The following LCLAT1 variants were observed in gnomAD, a reference collection of about 807,000 sequenced individuals.
The protein encoded by LCLAT1 is lysocardiolipin acyltransferase 1.
A neutral mutation model predicts 30.7 loss-of-function variants in LCLAT1; 11 were observed. The ratio of observed to expected loss-of-function variants is 0.36; its 90% CI spans 0.23 to 0.59. The LOEUF (loss-of-function observed/expected upper bound fraction) is 0.59. LCLAT1 is among the 20% of genes least tolerant of loss of function. LCLAT1 has a pLI of 0.77. For missense variants in LCLAT1, 402 were observed against 458.6 expected (o/e 0.88, Z 1.13); for synonymous variants, 155 against 151.3 (o/e 1.02, Z -0.18).
At chr2:30,584,787 T>A (rs552654594) in intron 5 of LCLAT1, among the ~76,000 whole-genome samples, 2 of 152,288 alleles carry the variant, frequency 1.3e-5, no homozygotes, top group African/African-American at 4.8e-5. Context: ...TAGACTAATA[T>A]AAAAGTTTTA....
At chr2:30,533,443 T>G (rs1325729251) in intron 3 of LCLAT1, 129 bp downstream of exon 3, 10 of 755,062 alleles carry the variant, frequency 1.3e-5, no homozygotes, top group Non-Finnish European at 2.1e-5. Flanking sequence ...TCTCTGGTTC[T>G]TTTGTCTTTA....
chr2:30,566,763 T>C (rs1191629628), intron 4 of LCLAT1, among the ~76,000 whole-genome samples: 1 of 152,230 alleles, frequency 6.6e-6, no homozygotes, highest in East Asian at 1.9e-4. Flanking sequence ...CTGAACACTT[T>C]ACTTTTTCCA....
chr2:30,537,497 G>A lies in LCLAT1; in HGVS notation c.364+4183G>A, dbSNP rs114185535. ...ATATAGTGATAAAGGGATCAATTCA[G>A]CGAGAGGATATAACAATTGTAAATA... On this transcript the variant is annotated intron_variant, in intron 3 of 5. Coordinates refer to ENST00000379509, the MANE Select transcript of LCLAT1 (RefSeq NM_001002257.3). 9.5e-3 allele frequency among the ~76,000 whole-genome samples: 1,428 copies of A among 149,542 alleles called. 24 individuals carry two copies. The highest frequency in any genetic ancestry group is 0.033 in the African/African-American group (1,340 of 40,478).
chr2:30,590,043 T>C (rs1470173445), intron 5 of LCLAT1, among the ~76,000 whole-genome samples: 1 of 152,190 alleles, frequency 6.6e-6, no homozygotes, highest in Admixed American at 6.5e-5. Context: ...CTCAAGGACA[T>C]CTGTCTGCCT....
At chr2:30,611,401 T>C (rs990329629) in intron 5 of LCLAT1, among the ~76,000 whole-genome samples, 5 of 152,114 alleles carry the variant, frequency 3.3e-5, no homozygotes, top group African/African-American at 1.2e-4. Flanking sequence ...CACTTTCAGT[T>C]GAGGGTGAAA....
chr2:30,626,552 CTCAG>C (rs1668519893), intron 5 of LCLAT1, among the ~76,000 whole-genome samples: 1 of 152,120 alleles, frequency 6.6e-6, no homozygotes, highest in African/African-American at 2.4e-5. Context: ...GCTTTTTCCC[CTCAG>C]TCAGATCCAT....
chr2:30,513,143 T>C (rs541259867), intron 1 of LCLAT1, among the ~76,000 whole-genome samples: 11 of 152,242 alleles, frequency 7.2e-5, no homozygotes, highest in African/African-American at 2.6e-4. Context: ...GGTACTTTAA[T>C]TTATATTTTA....
intron 3 of LCLAT1, among the ~76,000 whole-genome samples, chr2:30,535,415 G>T (rs960683018): frequency 6.6e-6 from 1 of 152,130 alleles, no homozygotes; most frequent in African/African-American, 2.4e-5. Flanking sequence ...AGAGCATTGT[G>T]TGCATACGTG....
At chr2:30,539,350 A>G (rs1243921912) in intron 3 of LCLAT1, among the ~76,000 whole-genome samples, 1 of 148,302 alleles carries the variant, frequency 6.7e-6, no homozygotes, top group Non-Finnish European at 1.5e-5. Flanking sequence ...ACTGGGCTCA[A>G]GTGGTCCTTC....
chr2:30,559,487 G>T (rs1665092097), intron 3 of LCLAT1, among the ~76,000 whole-genome samples: 1 of 152,082 alleles, frequency 6.6e-6, no homozygotes, highest in Non-Finnish European at 1.5e-5. Context: ...TATTTTTGCA[G>T]GTGTACTTTT....
At chr2:30,605,628 A>C (rs946182406) in intron 5 of LCLAT1, among the ~76,000 whole-genome samples, 1 of 152,212 alleles carries the variant, frequency 6.6e-6, no homozygotes, top group Non-Finnish European at 1.5e-5. Flanking sequence ...CATCAGTGAC[A>C]TAATTCTCAC....
At chr2:30,585,990 G>A (rs188989372) in intron 5 of LCLAT1, among the ~76,000 whole-genome samples, 5 of 152,114 alleles carry the variant, frequency 3.3e-5, no homozygotes, top group South Asian at 2.1e-4. Flanking sequence ...GGTGGCTCAC[G>A]CCTGTAATTT....
intron 5 of LCLAT1, among the ~76,000 whole-genome samples, chr2:30,608,170 T>G (rs2593452): frequency 2.0e-5 from 3 of 151,572 alleles, no homozygotes; most frequent in South Asian, 4.2e-4. Context: ...AAAATACAAA[T>G]ATTAGCTGGG....
At chr2:30,562,718 T>C (rs1158008250) in intron 4 of LCLAT1, among the ~76,000 whole-genome samples, 1 of 152,220 alleles carries the variant, frequency 6.6e-6, no homozygotes, top group Non-Finnish European at 1.5e-5. Flanking sequence ...CTTTTATCTT[T>C]ATGTAAGTGT....
intron 2 of LCLAT1, among the ~76,000 whole-genome samples, chr2:30,532,797 A>G (rs1365716182): frequency 2.0e-5 from 3 of 152,104 alleles, no homozygotes; most frequent in Non-Finnish European, 4.4e-5. Context: ...AATGTTACAT[A>G]TCTATATCCT....
At chr2:30,613,251 G>A (rs557719169) in intron 5 of LCLAT1, among the ~76,000 whole-genome samples, 1 of 152,142 alleles carries the variant, frequency 6.6e-6, no homozygotes, top group Non-Finnish European at 1.5e-5. Flanking sequence ...CCACTGGGGA[G>A]AAGGGGTGAA....
chr2:30,633,610 G>A (rs373913683), intron 5 of LCLAT1, among the ~76,000 whole-genome samples: 5 of 152,132 alleles, frequency 3.3e-5, no homozygotes, highest in East Asian at 1.9e-4. Context: ...GCTTGAACCC[G>A]GGAGGCGGAG....
chr2:30,611,234 G>A (rs1328419744), intron 5 of LCLAT1, among the ~76,000 whole-genome samples: 1 of 151,778 alleles, frequency 6.6e-6, no homozygotes, highest in African/African-American at 2.4e-5. Context: ...ATGTGAACAT[G>A]ATAAAGCTAC....
At chr2:30,523,685 T>C (rs1439051334) in intron 1 of LCLAT1, among the ~76,000 whole-genome samples, 2 of 152,156 alleles carry the variant, frequency 1.3e-5, no homozygotes, top group African/African-American at 4.8e-5. Context: ...CTGGCCAACA[T>C]GGTGAAACCG....
Sources: allele counts gnomAD v4.1 joint callset (sites outside exome capture counted in the v4.1 genomes callset), GRCh38; gene constraint gnomAD v4.1.1; transcripts MANE v1.5; gene names NCBI Gene and HGNC (gene_info 2026-07-23, HGNC 2026-07-21).